The following SHISA9 variants were observed in gnomAD, a reference collection of about 807,000 sequenced individuals.
The protein encoded by SHISA9 is shisa family member 9.
Under a neutral mutation model 38.0 loss-of-function variants are expected in SHISA9, and 13 were observed. That is an observed-to-expected ratio of 0.34 (90% CI 0.22 to 0.54). SHISA9 has a LOEUF of 0.54. Among genes scored for constraint, SHISA9 ranks in the 20% least tolerant of loss-of-function variants. The probability of loss-of-function intolerance (pLI) is 0.91; values close to 1 mark genes in which losing one functional copy is unlikely to be tolerated. For synonymous variants in SHISA9, 275 were observed against 242.0 expected, an observed-to-expected ratio of 1.14 and a Z score of -1.27; for missense variants, 538 against 575.8, an observed-to-expected ratio of 0.93 and a Z score of 0.67.
the SHISA9 span, among the ~76,000 whole-genome samples, chr16:13,260,007 C>CTTTTTTTTTTTTTTTTTTTTTTTTTTTTT: frequency 5.0e-5 from 3 of 60,446 alleles, 1 homozygote; most frequent in Non-Finnish European, 8.8e-5. Flanking sequence ...TTCTTTCTTT[C>CTTTTTTTTTTTTTTTTTTTTTTTTTTTTT]TTTTTTTTTT....
the SHISA9 span, among the ~76,000 whole-genome samples, chr16:13,264,421 C>G: frequency 3.9e-5 from 6 of 152,066 alleles, no homozygotes; most frequent in Admixed American, 3.9e-4. Context: ...GATTCGCCCC[C>G]CTCGGCTTCC....
intron 2 of SHISA9, among the ~76,000 whole-genome samples, chr16:13,019,951 CTT>C (rs1192914837): frequency 9.4e-6 from 1 of 105,966 alleles, no homozygotes; most frequent in African/African-American, 3.4e-5. Context: ...TTCTTTCTTT[CTT>C]TCTTTCCCTC....
At chr16:13,460,835 G>C in the SHISA9 span, among the ~76,000 whole-genome samples, 3 of 152,238 alleles carry the variant, frequency 2.0e-5, no homozygotes, top group South Asian at 6.2e-4. Context: ...CTACGGTTAG[G>C]TCTTGTGGCA....
chr16:12,912,460 G>A (rs571980064), intron 1 of SHISA9, among the ~76,000 whole-genome samples: 15 of 152,194 alleles, frequency 9.9e-5, no homozygotes, highest in African/African-American at 3.6e-4. Flanking sequence ...GAGAGTGGGG[G>A]ACTTCTTAGA....
chr16:13,455,211 C>T, the SHISA9 span, among the ~76,000 whole-genome samples: 1 of 152,118 alleles, frequency 6.6e-6, no homozygotes, highest in Admixed American at 6.6e-5. Context: ...TGCCCTATTT[C>T]ACATCATCCC....
chr16:13,508,698 A>C, the SHISA9 span, among the ~76,000 whole-genome samples: 1 of 152,238 alleles, frequency 6.6e-6, no homozygotes, highest in Admixed American at 6.5e-5. Context: ...TATACAACGC[A>C]TTAAACTCTT....
At chr16:13,036,093 G>T (rs1182011688) in intron 2 of SHISA9, among the ~76,000 whole-genome samples, 1 of 152,176 alleles carries the variant, frequency 6.6e-6, no homozygotes, top group Non-Finnish European at 1.5e-5. Context: ...TTTAAATAAA[G>T]TTTAACCTGC....
intron 2 of SHISA9, among the ~76,000 whole-genome samples, chr16:12,998,692 G>C (rs1232012783): frequency 2.0e-5 from 3 of 152,134 alleles, no homozygotes. Flanking sequence ...CCCCATGCTT[G>C]ACTAATTTTA....
intron 2 of SHISA9, among the ~76,000 whole-genome samples, chr16:13,045,311 G>C (rs2073174294): frequency 1.3e-5 from 2 of 152,268 alleles, no homozygotes; most frequent in South Asian, 4.2e-4. Context: ...CCATTTTGCA[G>C]GTACAGACAG....
chr16:13,261,031 A>G, the SHISA9 span, among the ~76,000 whole-genome samples: 2 of 152,176 alleles, frequency 1.3e-5, no homozygotes, highest in Admixed American at 6.5e-5. Context: ...CTTATTCACT[A>G]TCACAAGAAT....
At chr16:13,294,186 G>T in the SHISA9 span, among the ~76,000 whole-genome samples, 1 of 152,076 alleles carries the variant, frequency 6.6e-6, no homozygotes, top group South Asian at 2.1e-4. Context: ...ATCACCTAGG[G>T]TTTGCTGTGT....
chr16:13,000,776 A>T (rs79544988), intron 2 of SHISA9, among the ~76,000 whole-genome samples: 6,059 of 152,168 alleles, frequency 0.04, 390 homozygotes, highest in African/African-American at 0.14. Flanking sequence ...GTTATGACTG[A>T]TTTACCCCCT....
intron 2 of SHISA9, among the ~76,000 whole-genome samples, chr16:13,067,780 T>C (rs76825174): frequency 0.03 from 4,584 of 152,330 alleles, 176 homozygotes; most frequent in Admixed American, 0.1. Flanking sequence ...TGCTGCAGCC[T>C]CACTCCAACC....
At chr16:13,158,676 CTTG>C (rs548973401) in intron 2 of SHISA9, among the ~76,000 whole-genome samples, 228 of 152,278 alleles carry the variant, frequency 1.5e-3, no homozygotes, top group African/African-American at 5.0e-3. Flanking sequence ...GTCTTTTCAA[CTTG>C]TTGGAGGGAG....
At chr16:13,031,772 A>C (rs916038555) in intron 2 of SHISA9, among the ~76,000 whole-genome samples, 1 of 152,242 alleles carries the variant, frequency 6.6e-6, no homozygotes, top group Non-Finnish European at 1.5e-5. Context: ...ATGAATTTGC[A>C]CAAGTGAGAT....
At chr16:13,149,328 G>A (rs2050476442) in intron 2 of SHISA9, among the ~76,000 whole-genome samples, 1 of 152,140 alleles carries the variant, frequency 6.6e-6, no homozygotes, top group South Asian at 2.1e-4. Context: ...CAGAGGAGGG[G>A]GTATGGGGTG....
the SHISA9 span, among the ~76,000 whole-genome samples, chr16:13,260,320 T>A: frequency 6.6e-6 from 1 of 152,124 alleles, no homozygotes; most frequent in South Asian, 2.1e-4. Flanking sequence ...CTGGCCGGGT[T>A]TTTCTTTTCT....
At chr16:13,090,696 C>T (rs1312648378) in intron 2 of SHISA9, among the ~76,000 whole-genome samples, 3 of 152,186 alleles carry the variant, frequency 2.0e-5, no homozygotes, top group Admixed American at 6.5e-5. Context: ...CTATGTGCAT[C>T]GTTGCACGTG....
chr16:13,306,097 G>A, the SHISA9 span, among the ~76,000 whole-genome samples: 2 of 152,198 alleles, frequency 1.3e-5, no homozygotes, highest in East Asian at 3.9e-4. Flanking sequence ...GGGCTTTGAA[G>A]TAGGAGTAGG....
Sources: allele counts gnomAD v4.1 joint callset (sites outside exome capture counted in the v4.1 genomes callset), GRCh38; gene constraint gnomAD v4.1.1; transcripts MANE v1.5; gene names NCBI Gene and HGNC (gene_info 2026-07-23, HGNC 2026-07-21).